Variants in UBE3D observed in about 807,000 individuals in gnomAD.
The protein encoded by UBE3D is ubiquitin protein ligase E3D.
A neutral mutation model predicts 49.6 loss-of-function variants in UBE3D; 48 were observed. The ratio of observed to expected loss-of-function variants is 0.97; its 90% CI spans 0.77 to 1.23. UBE3D has a LOEUF of 1.23. Ranked by LOEUF, UBE3D falls within the 50% of genes most tolerant of loss-of-function variation. The pLI is 0.00. For synonymous variants in UBE3D, 189 were observed against 174.2 expected (o/e 1.08, Z -0.67); for missense variants, 452 against 468.4 (o/e 0.96, Z 0.32).
intron 9 of UBE3D, among the ~76,000 whole-genome samples, chr6:82,915,295 G>A (rs1227626016): frequency 6.6e-6 from 1 of 152,122 alleles, no homozygotes; most frequent in Non-Finnish European, 1.5e-5. Flanking sequence ...TAGATTACAG[G>A]AGATCACAGA....
intron 3 of UBE3D, among the ~76,000 whole-genome samples, chr6:83,050,098 G>A (rs1783367490): frequency 1.3e-5 from 2 of 152,072 alleles, no homozygotes; most frequent in African/African-American, 4.8e-5. Flanking sequence ...CTAAGAACAT[G>A]TGACCTTAAA....
chr6:82,937,239 C>G (rs534968085), intron 9 of UBE3D, among the ~76,000 whole-genome samples: 2 of 152,252 alleles, frequency 1.3e-5, no homozygotes, highest in African/African-American at 4.8e-5. Flanking sequence ...TCAATGGAGG[C>G]TTGAGAACAG....
intron 8 of UBE3D, among the ~76,000 whole-genome samples, chr6:82,988,839 A>G (rs1778697568): frequency 6.6e-6 from 1 of 151,882 alleles, no homozygotes; most frequent in Admixed American, 6.6e-5. Flanking sequence ...TGTTACCAGG[A>G]GATTAACTAC....
chr6:82,952,251 C>T (rs896798407), intron 9 of UBE3D, among the ~76,000 whole-genome samples: 15 of 152,186 alleles, frequency 9.9e-5, no homozygotes, highest in African/African-American at 3.4e-4. Flanking sequence ...GAATGTTGTG[C>T]ACCTGTGCTC....
intron 9 of UBE3D, among the ~76,000 whole-genome samples, chr6:82,905,513 T>C (rs1455646775): frequency 2.6e-5 from 4 of 152,120 alleles, no homozygotes; most frequent in Non-Finnish European, 5.9e-5. Context: ...AGGGCCTCCC[T>C]AACATCTCAC....
chr6:82,964,675 A>G (rs1776784747), intron 8 of UBE3D, among the ~76,000 whole-genome samples: 1 of 152,206 alleles, frequency 6.6e-6, no homozygotes. Flanking sequence ...GCAAATTGCA[A>G]CAACTTAGTG....
At chr6:82,929,132 A>G (rs1347972822) in intron 9 of UBE3D, among the ~76,000 whole-genome samples, 1 of 152,154 alleles carries the variant, frequency 6.6e-6, no homozygotes, top group Non-Finnish European at 1.5e-5. Context: ...TCGGGTAAAC[A>G]TAAGATATCC....
rs1411064588 is a variant in UBE3D, at chr6:83,057,886, G to A, written c.214C>T (p.Gln72Ter). The A allele has an allele frequency of 2.5e-6, 4 of 1,614,170 alleles. No individual in the cohort carries two copies. The highest frequency in any genetic ancestry group is 1.1e-5 in the South Asian group (1 of 91,090). ...TGCAGTCCATCTCCAACAACAAACTGTAGCCCACGGCAAGAGGAAGGTACA... is the reference window on the plus strand; with the variant it reads ...TGCAGTCCATCTCCAACAACAAACTATAGCCCACGGCAAGAGGAAGGTACA... ...RLVPSSCRGLQFVVGDGLHLR... is the reference protein window; with the variant it reads ...RLVPSSCRGL Residue 72 changes from glutamine to a stop codon, truncating the protein, a stop_gained, in exon 2 of 10, where the codon CAG becomes TAG. Coordinates refer to ENST00000369747, the MANE Select transcript of UBE3D (RefSeq NM_198920.3). LOFTEE classifies it high-confidence loss of function.
At chr6:83,057,713 C>A in intron 2 of UBE3D, 113 bp downstream of exon 2, 1 of 1,032,066 alleles carries the variant, frequency 9.7e-7, no homozygotes. Flanking sequence ...GACAAAGACC[C>A]TAGAGCTTCT....
At chr6:82,961,349 G>C (rs1582475276) in intron 8 of UBE3D, among the ~76,000 whole-genome samples, 1 of 152,106 alleles carries the variant, frequency 6.6e-6, no homozygotes, top group East Asian at 1.9e-4. Context: ...CTTATCCTAT[G>C]CCTAACACAT....
At chr6:82,916,548 A>G (rs1772926801) in intron 9 of UBE3D, among the ~76,000 whole-genome samples, 1 of 152,224 alleles carries the variant, frequency 6.6e-6, no homozygotes, top group Non-Finnish European at 1.5e-5. Context: ...AGCTTCAATA[A>G]ATGAAATATT....
intron 8 of UBE3D, among the ~76,000 whole-genome samples, chr6:83,015,586 TA>T (rs1445369674): frequency 6.6e-6 from 1 of 152,182 alleles, no homozygotes; most frequent in Non-Finnish European, 1.5e-5. Context: ...GATTTCTGTT[TA>T]TATACATTAG....
chr6:83,065,506 TTGAG>T lies in UBE3D; in HGVS notation c.77+132_77+135del. On this transcript the variant is annotated intron_variant, in intron 1 of 9. Transcript: ENST00000369747. ...GCCGACTACAGGGGAAAGCTTCACT[TTGAG>T]TGATCGAGAGGCTCTACGCAACTGG... is the stretch of plus-strand genomic sequence containing the variant. The T allele has an allele frequency of 5.2e-6, 4 of 776,434 alleles. No individual in the cohort carries two copies. In the East Asian group the frequency reaches 1.1e-4, roughly 22 times the overall value. The allele number at this position is 776,434 out of a possible 1,614,324, so 48.1% of individuals were successfully genotyped here.
the UBE3D span, among the ~76,000 whole-genome samples, chr6:82,887,345 A>T: frequency 2.8e-5 from 4 of 145,180 alleles, no homozygotes; most frequent in Non-Finnish European, 6.0e-5. Context: ...AAAGGGAGAG[A>T]GAGAAAAAAC....
At chr6:82,990,746 T>C (rs1184415526) in intron 8 of UBE3D, among the ~76,000 whole-genome samples, 2 of 152,178 alleles carry the variant, frequency 1.3e-5, no homozygotes, top group South Asian at 4.1e-4. Context: ...TCGCAACATA[T>C]GGATTCAGTA....
At chr6:82,903,707 A>G (rs1771899016) in intron 9 of UBE3D, among the ~76,000 whole-genome samples, 1 of 152,184 alleles carries the variant, frequency 6.6e-6, no homozygotes. Flanking sequence ...TAGCCATTTA[A>G]GAATAAATAC....
intron 8 of UBE3D, among the ~76,000 whole-genome samples, chr6:82,990,316 C>T (rs1441412144): frequency 2.0e-5 from 3 of 152,086 alleles, no homozygotes; most frequent in Admixed American, 6.6e-5. Flanking sequence ...CTCACTCTGT[C>T]GCCCAGGCTG....
At chr6:82,913,284 A>T (rs1218176321) in intron 9 of UBE3D, among the ~76,000 whole-genome samples, 1 of 152,178 alleles carries the variant, frequency 6.6e-6, no homozygotes, top group Admixed American at 6.5e-5. Context: ...ACGTCCAATA[A>T]ATTATAATTT....
chr6:83,024,174 C>T (rs745386056), intron 5 of UBE3D, 136 bp from the exon 6 acceptor site: 2 of 480,434 alleles, frequency 4.2e-6, no homozygotes, highest in Non-Finnish European at 7.3e-6. Flanking sequence ...AAACATTTTC[C>T]CAAAACTACT....
Sources: gnomAD v4.1 joint callset for allele counts (sites outside exome capture counted in the v4.1 genomes callset) on GRCh38, gnomAD v4.1.1 for gene constraint, MANE v1.5 for transcripts, NCBI Gene and HGNC (gene_info 2026-07-23, HGNC 2026-07-21) for gene names.